CC2D2A: variants seen among roughly 807,000 people sequenced by gnomAD.
CC2D2A encodes coiled-coil and C2 domain-containing protein 2A.
Under a neutral mutation model 212.9 loss-of-function variants are expected in CC2D2A, and 155 were observed. The observed-to-expected ratio is 0.73, with a 90% CI of 0.64 to 0.83. The LOEUF is 0.83. Ranked by LOEUF, CC2D2A falls within the 40% of genes least tolerant of loss-of-function variation. The probability of loss-of-function intolerance (pLI) is 0.00; values close to 1 mark genes in which losing one functional copy is unlikely to be tolerated. For synonymous variants in CC2D2A, 667 were observed against 686.5 expected (o/e 0.97, Z 0.44); for missense variants, 1,856 against 1,956.2 (o/e 0.95, Z 0.97).
In CC2D2A at chr4:15,500,075, T is replaced by TTGTGTG. The variant is rs753590658; in HGVS notation, c.248-2326_248-2321dup. ...TAAAGTGTACTTACACAAACCTAGA[T>TTGTGTG]TGTGTGTGTGTGTGTGTGTGTGTGT... is the stretch of plus-strand genomic sequence containing the variant. On this transcript the variant is annotated intron_variant, in intron 4 of 36. Transcript: ENST00000424120. Among the ~76,000 whole-genome samples, 324 of 124,426 alleles carry TTGTGTG rather than the reference T, an allele frequency of 2.6e-3. 2 individuals carry two copies. Among genetic ancestry groups the TTGTGTG allele is most frequent in the South Asian group, 0.016 (55 of 3,458 alleles). The allele number at this position is 124,426 out of a possible 152,430, so 81.6% of individuals were successfully genotyped here.
chr4:15,579,483 T>C (rs1463106837), intron 29 of CC2D2A, among the ~76,000 whole-genome samples: 1 of 152,242 alleles, frequency 6.6e-6, no homozygotes, highest in African/African-American at 2.4e-5. Context: ...TCACTGCTTA[T>C]GGACTTGAAA....
rs929531756 is a variant in CC2D2A, at chr4:15,516,096, C to T, written c.1017+92C>T. 8 of 1,273,084 alleles carry T rather than the reference C, an allele frequency of 6.3e-6. No homozygotes were observed. In the African/African-American group the frequency reaches 1.1e-4, roughly 17 times the overall value. The allele number at this position is 1,273,084 out of a possible 1,614,324, so 78.9% of individuals were successfully genotyped here. The stretch of plus-strand genomic sequence containing the variant: ...CAGGGCAGTCATTGCATCCACTGTA[C>T]TCATTTCCTCTTGAGGTTATCCACA... On this transcript the variant is annotated intron_variant, in intron 10 of 36. Transcript: ENST00000424120.
chr4:15,487,984 T>C (rs756675909), intron 4 of CC2D2A, among the ~76,000 whole-genome samples: 8 of 152,094 alleles, frequency 5.3e-5, no homozygotes, highest in Non-Finnish European at 8.8e-5. Context: ...TTTTTTGTTG[T>C]CTCTACTTAT....
At chr4:15,480,036 C>T (rs145739039) in intron 3 of CC2D2A, among the ~76,000 whole-genome samples, 180 of 152,270 alleles carry the variant, frequency 1.2e-3, no homozygotes, top group African/African-American at 4.2e-3. Context: ...AGTTCCATCC[C>T]GGGCCATCTA....
chr4:15,477,595 A>G (rs560247103), intron 2 of CC2D2A, among the ~76,000 whole-genome samples: 1 of 152,314 alleles, frequency 6.6e-6, no homozygotes, highest in South Asian at 2.1e-4. Context: ...CCATGCTTGC[A>G]CACCTCAATA....
At chr4:15,527,777 G>T in intron 12 of CC2D2A, 121 bp downstream of exon 12, 1 of 730,512 alleles carries the variant, frequency 1.4e-6, no homozygotes. Flanking sequence ...CCTCGGTTTA[G>T]GATGTGTGAT....
intron 4 of CC2D2A, among the ~76,000 whole-genome samples, chr4:15,485,215 G>A (rs567245262): frequency 6.6e-6 from 1 of 152,334 alleles, no homozygotes; most frequent in East Asian, 1.9e-4. Flanking sequence ...CCACATATGA[G>A]TGAAAACATG....
chr4:15,531,902 C>T (rs1302315720), intron 13 of CC2D2A, among the ~76,000 whole-genome samples: 4 of 152,278 alleles, frequency 2.6e-5, no homozygotes, highest in South Asian at 2.1e-4. Context: ...GCATAGGAGA[C>T]GAACTGACCA....
chr4:15,593,390 A>C (rs1038680237), intron 33 of CC2D2A, among the ~76,000 whole-genome samples: 2 of 152,126 alleles, frequency 1.3e-5, no homozygotes, highest in African/African-American at 4.8e-5. Context: ...TGTATTCTCC[A>C]AATTTGAAAC....
At chr4:15,488,021 C>A (rs1207976578) in intron 4 of CC2D2A, among the ~76,000 whole-genome samples, 1 of 152,030 alleles carries the variant, frequency 6.6e-6, no homozygotes, top group Admixed American at 6.6e-5. Context: ...TATCTCTTGA[C>A]AAATTGTTGT....
intron 29 of CC2D2A, among the ~76,000 whole-genome samples, chr4:15,576,013 G>C (rs1720389590): frequency 6.6e-6 from 1 of 152,288 alleles, no homozygotes; most frequent in South Asian, 2.1e-4. Context: ...ACTTTAAAGA[G>C]GCCTCCAGGG....
chr4:15,536,715 T>C (rs973152688), intron 14 of CC2D2A, among the ~76,000 whole-genome samples: 16 of 152,212 alleles, frequency 1.1e-4, no homozygotes, highest in African/African-American at 3.9e-4. Context: ...TCTTGGGAAC[T>C]TACTTAACTT....
chr4:15,571,982 C>T (rs910227043), intron 28 of CC2D2A, among the ~76,000 whole-genome samples: 2 of 152,152 alleles, frequency 1.3e-5, no homozygotes, highest in African/African-American at 4.8e-5. Context: ...GCAGTTTGCT[C>T]TCTTCCCAAT....
intron 31 of CC2D2A, among the ~76,000 whole-genome samples, chr4:15,587,100 G>T (rs536013802): frequency 2.4e-4 from 36 of 152,302 alleles, no homozygotes; most frequent in African/African-American, 6.5e-4. Flanking sequence ...AGTCAGAGGT[G>T]GAGTCAGGGA....
chr4:15,578,816 GT>G (rs955948583), intron 29 of CC2D2A, among the ~76,000 whole-genome samples: 2,707 of 119,034 alleles, frequency 0.023, 40 homozygotes, highest in Middle Eastern at 0.051. Context: ...TTGTTTGTTT[GT>G]TTTTAATAGA....
chr4:15,564,519 G>A (rs1281588422), intron 24 of CC2D2A, among the ~76,000 whole-genome samples: 2 of 152,176 alleles, frequency 1.3e-5, no homozygotes, highest in East Asian at 1.9e-4. Flanking sequence ...CACAAAAGGG[G>A]AAATGGAAGT....
intron 14 of CC2D2A, 55 bp from the exon 15 acceptor site, chr4:15,536,865 T>C: frequency 6.5e-7 from 1 of 1,542,528 alleles, no homozygotes; most frequent in Non-Finnish European, 8.9e-7. Context: ...GCTGTTATTA[T>C]TGCTCTCTTA....
intron 1 of CC2D2A, among the ~76,000 whole-genome samples, chr4:15,472,357 T>G (rs986570318): frequency 6.6e-6 from 1 of 152,198 alleles, no homozygotes; most frequent in Non-Finnish European, 1.5e-5. Flanking sequence ...TATTTTGATG[T>G]TGCCAGTAGG....
intron 15 of CC2D2A, among the ~76,000 whole-genome samples, chr4:15,537,409 AT>A (rs2109034520): frequency 6.6e-6 from 1 of 152,334 alleles, no homozygotes; most frequent in Admixed American, 6.5e-5. Flanking sequence ...GCATTATTCC[AT>A]TAAATGTAGG....
Sources: allele counts gnomAD v4.1 joint callset (sites outside exome capture counted in the v4.1 genomes callset), GRCh38; gene constraint gnomAD v4.1.1; transcripts MANE v1.5; gene names NCBI Gene and HGNC (gene_info 2026-07-23, HGNC 2026-07-21).